PRPF8: variants seen among roughly 807,000 people sequenced by gnomAD.
PRPF8 encodes pre-mRNA processing factor 8, also known as pre-mRNA-processing-splicing factor 8.
A neutral mutation model predicts 285.9 loss-of-function variants in PRPF8; 64 were observed. The ratio of observed to expected loss-of-function variants is 0.22; its 90% CI spans 0.18 to 0.28. The LOEUF (loss-of-function observed/expected upper bound fraction) is 0.28. Ranked by LOEUF, PRPF8 falls within the 10% of genes least tolerant of loss-of-function variation. The pLI is 1.00. For missense variants in PRPF8, 1,426 were observed against 3,026.7 expected (o/e 0.47, Z 12.41); for synonymous variants, 1,325 against 1,118.2 (o/e 1.18, Z -3.69).
chr17:1,653,323 T>C lies in PRPF8; in HGVS notation c.6369+219A>G. ...ACCATATCTGTTCTCTTCCAAATAC[T>C]ATCAGGCCAATACTACAATTACTAC... On this transcript the variant is annotated intron_variant, in intron 39 of 42. Transcript: ENST00000304992. The surrounding 1 kb of genome is among the most constrained non-coding windows in gnomAD (Gnocchi z 4.9). 1 of 653,028 alleles carries C rather than the reference T, an allele frequency of 1.5e-6. No homozygotes were observed. The highest frequency in any genetic ancestry group is 2.7e-5 in the East Asian group (1 of 36,660). The allele number at this position is 653,028 out of a possible 1,614,324, so 40.5% of individuals were successfully genotyped here.
chr17:1,663,203 A>G (rs1215522348), intron 24 of PRPF8, among the ~76,000 whole-genome samples: 2 of 152,192 alleles, frequency 1.3e-5, no homozygotes, highest in Admixed American at 1.3e-4. Flanking sequence ...AACAATAAGA[A>G]AAAAACCATG....
Position 1,659,649 on chromosome 17 carries a change from C to T in PRPF8, c.4947-101G>A, listed in dbSNP as rs1048512298. ...TCCCAAAACCATCCCACCCACTCCA[C>T]CAACTTGTTCCAGGTCAGCAGGACC... On this transcript the variant is annotated intron_variant, in intron 31 of 42. Coordinates refer to ENST00000304992, the MANE Select transcript of PRPF8 (RefSeq NM_006445.4). The surrounding 1 kb of genome is among the most constrained non-coding windows in gnomAD (Gnocchi z 5.1). 6 of 1,459,098 alleles carry T rather than the reference C, an allele frequency of 4.1e-6. No individual in the cohort carries two copies. Among genetic ancestry groups the T allele is most frequent in the Non-Finnish European group, 5.7e-6 (6 of 1,056,012 alleles). The allele number at this position is 1,459,098 out of a possible 1,614,324, so 90.4% of individuals were successfully genotyped here. A position where few individuals can be genotyped will look rare whatever the true frequency, so the allele number is the denominator to read the frequency against.
chr17:1,659,523 G>A lies in PRPF8; in HGVS notation c.4972C>T (p.Gln1658Ter). The A allele has an allele frequency of 6.2e-7, 1 of 1,614,100 alleles. No individual in the cohort carries two copies. Among genetic ancestry groups the A allele is most frequent in the Non-Finnish European group, 8.5e-7 (1 of 1,180,030 alleles). Residue 1658 changes from glutamine (Q) to a stop codon, truncating the protein, a stop_gained, in exon 32 of 43, where the codon CAG becomes TAG. Transcript: ENST00000304992. LOFTEE classifies it high-confidence loss of function. The surrounding 1 kb of genome is among the most constrained non-coding windows in gnomAD (Gnocchi z 5.1). The part of the protein sequence containing the change: ...SKDVMDSTTT[Q>*]KYWIDIQLRW... ...AACTGGATGTCAATCCAGTATTTCTGGGTGGTGGTGCTGTCCATCACATCC... is the reference window on the plus strand; with the variant it reads ...AACTGGATGTCAATCCAGTATTTCTAGGTGGTGGTGCTGTCCATCACATCC...
chr17:1,682,605 A>G (rs1912993277), intron 3 of PRPF8, among the ~76,000 whole-genome samples: 1 of 151,628 alleles, frequency 6.6e-6, no homozygotes, highest in Admixed American at 6.6e-5. Context: ...AAATCATAAT[A>G]AAGTATTCAC....
chr17:1,654,356 T>C, intron 37 of PRPF8: 1 of 471,528 alleles, frequency 2.1e-6, no homozygotes, highest in South Asian at 2.2e-5. Flanking sequence ...GAGGTGGTAT[T>C]GTCCGTCACC....
At chr17:1,672,072 G>A (rs1013329527) in intron 24 of PRPF8, among the ~76,000 whole-genome samples, 6 of 151,932 alleles carry the variant, frequency 3.9e-5, no homozygotes, top group African/African-American at 1.5e-4. Context: ...AACATTTCTG[G>A]TCCCAAGCAT....
At position 1,673,156 on chromosome 17, in the gene PRPF8, G is replaced by A. The variant is rs753683243; in HGVS notation, c.3699C>T (p.Asp1233=). 8.1e-6 allele frequency: 13 copies of A among 1,614,076 alleles called. No individual in the cohort carries two copies. The Admixed American group carries it at 8.3e-5, about 10-fold the overall frequency. The part of the protein sequence containing the change: ...ERTAQCFLRV[D]DESMQRFHNR... ...TGTGGAAGCGCTGCATTGACTCATC[G>A]TCCACACGCAGGAAACACTGAGCTG... The change falls in exon 24 of 43, where the codon GAC becomes GAT. Residue 1233 remains aspartate, a synonymous_variant. Coordinates refer to ENST00000304992, the MANE Select transcript of PRPF8 (RefSeq NM_006445.4). The surrounding 1 kb of genome is among the most constrained non-coding windows in gnomAD (Gnocchi z 5.5).
Position 1,675,608 on chromosome 17 carries a change from T to C in PRPF8, c.2872+12A>G, listed in dbSNP as rs754142816. On this transcript the variant is annotated intron_variant, in intron 19 of 42. Transcript: ENST00000304992. This position sits in a 1 kb window ranked among gnomAD's most constrained non-coding sequence, Gnocchi z 6.0. Reference sequence around the variant, plus strand: ...CCCCGTTCCTCACAGGGCGATCTCATGAAAGTTCTACCTTGACACCACTTG... The same window carrying C: ...CCCCGTTCCTCACAGGGCGATCTCACGAAAGTTCTACCTTGACACCACTTG... 3.1e-6 allele frequency: 5 copies of C among 1,614,100 alleles called. No individual in the cohort carries two copies. In the Admixed American group the frequency reaches 6.7e-5, roughly 22 times the overall value.
At position 1,682,279 on chromosome 17, in the gene PRPF8, A is replaced by T; in HGVS notation, c.284T>A (p.Met95Lys). The T allele has an allele frequency of 6.2e-7, 1 of 1,614,168 alleles. No homozygotes were observed. The highest frequency in any genetic ancestry group is 8.5e-7 in the Non-Finnish European group (1 of 1,180,014). Reference protein sequence around the residue: ...KRVYLGALKYMPHAVLKLLEN... With the variant: ...KRVYLGALKYKPHAVLKLLEN... ...CAGGAGTTTGAGGACTGCGTGGGGCATGTACTTTAGGGCACTGGCACATTA... is the reference window on the plus strand; with the variant it reads ...CAGGAGTTTGAGGACTGCGTGGGGCTTGTACTTTAGGGCACTGGCACATTA... The change falls in exon 4 of 43, where the codon ATG becomes AAG. Residue 95 changes from methionine to lysine, a missense_variant. Physicochemically the swap from Met to Lys is moderately conservative, Grantham distance 95. Around this residue, in one of 34 missense-constraint regions of PRPF8, gnomAD observed 96 missense variants for 188.3 expected, o/e 0.51. Transcript: ENST00000304992.
chr17:1,656,288 T>C, intron 36 of PRPF8, 104 bp downstream of exon 36: 2 of 1,414,044 alleles, frequency 1.4e-6, no homozygotes, highest in South Asian at 1.2e-5. Flanking sequence ...TCCCACCCAA[T>C]CTATAGGCTA....
chr17:1,675,305 A>C lies in PRPF8; in HGVS notation c.2907T>G (p.Ser969Arg). Residue 969 changes from serine to arginine, a missense_variant, in exon 20 of 43, where the codon AGT becomes AGG. Coordinates refer to ENST00000304992, the MANE Select transcript of PRPF8 (RefSeq NM_006445.4). The surrounding 1 kb of genome is among the most constrained non-coding windows in gnomAD (Gnocchi z 6.0). ...CCAGCATGACATTGCACTCGCCTTC[A>C]CTCGTCTCCCACACGTCCTGCAGGT... ...INNLQDVWETSEGECNVMLES... is the reference protein window; with the variant it reads ...INNLQDVWETREGECNVMLES... 6.2e-7 allele frequency: 1 copy of C among 1,614,014 alleles called. No homozygotes were observed. Among genetic ancestry groups the C allele is most frequent in the African/African-American group, 1.3e-5 (1 of 74,976 alleles).
At chr17:1,671,091 C>T (rs933718389) in intron 24 of PRPF8, among the ~76,000 whole-genome samples, 1 of 152,170 alleles carries the variant, frequency 6.6e-6, no homozygotes, top group Non-Finnish European at 1.5e-5. Context: ...CAATTTACTC[C>T]AGCAAACCTT....
At chr17:1,656,321 C>T in intron 36 of PRPF8, 71 bp downstream of exon 36, 2 of 1,596,342 alleles carry the variant, frequency 1.3e-6, no homozygotes, top group South Asian at 1.1e-5. Context: ...TGGCAAAAAC[C>T]TGACACAGGA....
At position 1,658,924 on chromosome 17, in the gene PRPF8, G is replaced by A; in HGVS notation, c.5139-161C>T. Reference sequence around the variant, plus strand: ...GGAGAAGAGAATCAGTGACCCATAGGAGGAATGGGCCACTTCCTCTCACTT... The same window carrying A: ...GGAGAAGAGAATCAGTGACCCATAGAAGGAATGGGCCACTTCCTCTCACTT... On this transcript the variant is annotated intron_variant, in intron 32 of 42. Transcript: ENST00000304992. This position sits in a 1 kb window ranked among gnomAD's most constrained non-coding sequence, Gnocchi z 4.1. 1 of 733,400 alleles carries A rather than the reference G, an allele frequency of 1.4e-6. No individual in the cohort carries two copies. The highest frequency in any genetic ancestry group is 2.5e-6 in the Non-Finnish European group (1 of 406,986). 45.4% of individuals were successfully genotyped at this position (733,400 alleles called of 1,614,324 possible).
chr17:1,672,320 C>T (rs923781023), intron 24 of PRPF8, among the ~76,000 whole-genome samples: 1 of 152,176 alleles, frequency 6.6e-6, no homozygotes, highest in African/African-American at 2.4e-5. Context: ...TGCTCTGTCG[C>T]CCAGGCTAGA....
chr17:1,684,845 C>T lies in PRPF8; in HGVS notation c.-77G>A, dbSNP rs1003210819. 1.7e-6 allele frequency: 1 copy of T among 595,806 alleles called. No homozygotes were observed. The allele number at this position is 595,806 out of a possible 1,614,324, so 36.9% of individuals were successfully genotyped here. A position where few individuals can be genotyped will look rare whatever the true frequency, so the allele number is the denominator to read the frequency against. ...CAATGGCGGCCAGACTGCGTCCGCT[C>T]CGCGTTCCCAGCGCCGGGAAGTGCG... On this transcript the variant is annotated 5_prime_UTR_variant, in exon 1 of 43. Coordinates refer to ENST00000304992, the MANE Select transcript of PRPF8 (RefSeq NM_006445.4).
chr17:1,663,524 T>C (rs1404735216), intron 24 of PRPF8, among the ~76,000 whole-genome samples: 1 of 2,916 alleles, frequency 3.4e-4, no homozygotes, highest in African/African-American at 1.4e-3. Flanking sequence ...CTGGACAGCA[T>C]GGTGAGACCC....
intron 36 of PRPF8, 22 bp from the exon 37 acceptor site, chr17:1,655,565 TGGG>T: frequency 6.3e-7 from 1 of 1,586,050 alleles, no homozygotes; most frequent in East Asian, 2.2e-5. Flanking sequence ...TTTGGAAGAG[TGGG>T]GTAGGTCAGC....
At chr17:1,677,543 G>A (rs1003045327) in intron 14 of PRPF8, 22 bp downstream of exon 14, 1 of 1,613,902 alleles carries the variant, frequency 6.2e-7, no homozygotes, top group Admixed American at 1.7e-5. Flanking sequence ...AGGAGAAGTT[G>A]GACACAGAGA....
Sources: gnomAD v4.1 joint callset for allele counts (sites outside exome capture counted in the v4.1 genomes callset) on GRCh38, gnomAD v4.1.1 for gene constraint, gnomAD v4.1.1 regional missense constraint, Gnocchi (gnomAD v3.1) non-coding constraint, MANE v1.5 for transcripts, NCBI Gene and HGNC (gene_info 2026-07-23, HGNC 2026-07-21) for gene names.